PPARGC1A: variants seen among roughly 807,000 people sequenced by gnomAD.
The protein encoded by PPARGC1A is PPARG coactivator 1 alpha.
Under a neutral mutation model 88.7 loss-of-function variants are expected in PPARGC1A, and 25 were observed. The observed-to-expected ratio is 0.28, with a 90% CI of 0.21 to 0.39. PPARGC1A has a LOEUF of 0.39. Ranked by LOEUF, PPARGC1A falls within the 10% of genes least tolerant of loss-of-function variation. The pLI, the probability that PPARGC1A is intolerant of heterozygous loss-of-function variation, is 1.00. For synonymous variants in PPARGC1A, 363 were observed against 355.6 expected, an observed-to-expected ratio of 1.02 and a Z score of -0.24; for missense variants, 880 against 968.7, an observed-to-expected ratio of 0.91 and a Z score of 1.22.
chr4:24,204,574 C>T, the PPARGC1A span, among the ~76,000 whole-genome samples: 1 of 151,976 alleles, frequency 6.6e-6, no homozygotes, highest in South Asian at 2.1e-4. Context: ...CTACGCCTGG[C>T]CACATCCACA....
chr4:24,330,291 TC>T, the PPARGC1A span, among the ~76,000 whole-genome samples: 9 of 152,188 alleles, frequency 5.9e-5, no homozygotes, highest in Non-Finnish European at 1.3e-4. Context: ...AGTTTCTGTG[TC>T]GGAATGGTCA....
chr4:24,359,063 A>G, the PPARGC1A span, among the ~76,000 whole-genome samples: 4 of 152,142 alleles, frequency 2.6e-5, no homozygotes, highest in African/African-American at 4.8e-5. Context: ...ACCTTTATTT[A>G]TGGTTTAAAA....
At chr4:24,176,446 T>C in the PPARGC1A span, among the ~76,000 whole-genome samples, 1 of 152,000 alleles carries the variant, frequency 6.6e-6, no homozygotes, top group African/African-American at 2.4e-5. Context: ...ACAAGAATCA[T>C]CCTGGAATGT....
At chr4:24,045,290 T>G in the PPARGC1A span, among the ~76,000 whole-genome samples, 1 of 152,158 alleles carries the variant, frequency 6.6e-6, no homozygotes, top group Non-Finnish European at 1.5e-5. Flanking sequence ...CAGTGATTAG[T>G]TTAGATGCTG....
chr4:23,876,482 C>A (rs1256516226), intron 2 of PPARGC1A, among the ~76,000 whole-genome samples: 1 of 152,178 alleles, frequency 6.6e-6, no homozygotes, highest in African/African-American at 2.4e-5. Context: ...AAGTTCAGAG[C>A]TCCAGCTATG....
At chr4:24,254,515 T>C in the PPARGC1A span, among the ~76,000 whole-genome samples, 1 of 152,338 alleles carries the variant, frequency 6.6e-6, no homozygotes, top group African/African-American at 2.4e-5. Context: ...AGCAAAATGA[T>C]CCTCAACTTC....
At chr4:24,418,845 C>T in the PPARGC1A span, among the ~76,000 whole-genome samples, 2 of 152,164 alleles carry the variant, frequency 1.3e-5, no homozygotes, top group Non-Finnish European at 2.9e-5. Flanking sequence ...CCAGACACAC[C>T]TCAATGTCAG....
chr4:23,870,297 T>G (rs1713022195), intron 2 of PPARGC1A, among the ~76,000 whole-genome samples: 1 of 152,220 alleles, frequency 6.6e-6, no homozygotes, highest in South Asian at 2.1e-4. Context: ...ATTTACATAT[T>G]TTCCCCACTT....
At chr4:24,306,281 T>C in the PPARGC1A span, among the ~76,000 whole-genome samples, 2 of 151,954 alleles carry the variant, frequency 1.3e-5, no homozygotes, top group African/African-American at 2.4e-5. Context: ...TTTTCAACAT[T>C]TGAGCACAAG....
At chr4:23,845,844 A>G (rs1008862867) in intron 2 of PPARGC1A, among the ~76,000 whole-genome samples, 1 of 152,292 alleles carries the variant, frequency 6.6e-6, no homozygotes, top group Admixed American at 6.5e-5. Context: ...CAAGTTTGCA[A>G]TCTCCTAGGA....
At chr4:24,455,160 G>A in the PPARGC1A span, among the ~76,000 whole-genome samples, 2 of 152,184 alleles carry the variant, frequency 1.3e-5, no homozygotes, top group Admixed American at 6.5e-5. Flanking sequence ...GCAAAGCATT[G>A]AAGGCTGACT....
At chr4:24,305,941 C>A in the PPARGC1A span, among the ~76,000 whole-genome samples, 1 of 152,218 alleles carries the variant, frequency 6.6e-6, no homozygotes, top group African/African-American at 2.4e-5. Context: ...GTTTGTACAA[C>A]ATCTGAAGAT....
the PPARGC1A span, among the ~76,000 whole-genome samples, chr4:23,930,858 A>C: frequency 6.6e-6 from 1 of 152,208 alleles, no homozygotes; most frequent in Admixed American, 6.5e-5. Flanking sequence ...AGTTAGTCAT[A>C]ATAATATCAG....
At chr4:24,212,172 C>G in the PPARGC1A span, among the ~76,000 whole-genome samples, 1 of 152,208 alleles carries the variant, frequency 6.6e-6, no homozygotes, top group Middle Eastern at 3.2e-3. Context: ...TCTCTCATGT[C>G]TTTCCTAGGC....
At chr4:24,079,041 T>A in the PPARGC1A span, among the ~76,000 whole-genome samples, 13 of 152,096 alleles carry the variant, frequency 8.5e-5, no homozygotes, top group African/African-American at 3.1e-4. Flanking sequence ...CATTAACCTA[T>A]CATTGGAAAT....
chr4:23,824,088 C>T (rs59847460), intron 7 of PPARGC1A, among the ~76,000 whole-genome samples, 192 bp downstream of exon 7: 3,186 of 149,788 alleles, frequency 0.021, 113 homozygotes, highest in African/African-American at 0.072. Flanking sequence ...GTTTTTTAAG[C>T]GCTTCAATAT....
At chr4:24,420,092 G>A in the PPARGC1A span, among the ~76,000 whole-genome samples, 1 of 152,158 alleles carries the variant, frequency 6.6e-6, no homozygotes, top group South Asian at 2.1e-4. Flanking sequence ...ACTTATAACT[G>A]GACTGCAACT....
At chr4:24,052,638 GA>G in the PPARGC1A span, among the ~76,000 whole-genome samples, 574 of 129,026 alleles carry the variant, frequency 4.4e-3, 2 homozygotes, top group African/African-American at 0.011. Context: ...TTACATCTCA[GA>G]AAAAAAAAAA....
the PPARGC1A span, among the ~76,000 whole-genome samples, chr4:24,196,816 G>T: frequency 9.9e-5 from 15 of 152,176 alleles, no homozygotes; most frequent in African/African-American, 3.4e-4. Context: ...GAAACTGCCT[G>T]CCCCTTGAAT....
Sources: gnomAD v4.1 joint callset for allele counts (sites outside exome capture counted in the v4.1 genomes callset) on GRCh38, gnomAD v4.1.1 for gene constraint, MANE v1.5 for transcripts, NCBI Gene and HGNC (gene_info 2026-07-23, HGNC 2026-07-21) for gene names.